CLMP: variants seen among roughly 807,000 people sequenced by gnomAD.
CLMP encodes the protein CXADR like cell adhesion molecule.
In CLMP, 27 loss-of-function variants were observed where a neutral mutation model predicts 45.2. The ratio of observed to expected loss-of-function variants is 0.60; its 90% confidence interval spans 0.44 to 0.82. The LOEUF (loss-of-function observed/expected upper bound fraction) is 0.82, where lower values mean the gene tolerates loss of function less well. Among genes scored for constraint, CLMP ranks in the 40% least tolerant of loss-of-function variants. The pLI, the probability that CLMP is intolerant of heterozygous loss-of-function variation, is 0.00. For missense variants in CLMP, 403 were observed against 448.4 expected (o/e 0.90, Z 0.91); for synonymous variants, 167 against 171.4 (o/e 0.97, Z 0.20).
intron 1 of CLMP, among the ~76,000 whole-genome samples, chr11:123,154,813 T>C (rs1861389904): frequency 6.6e-6 from 1 of 152,326 alleles, no homozygotes; most frequent in Non-Finnish European, 1.5e-5. Context: ...TGATCAGATG[T>C]TCTGATGGGC....
chr11:123,099,887 C>G (rs957365617), intron 1 of CLMP, among the ~76,000 whole-genome samples: 1 of 151,998 alleles, frequency 6.6e-6, no homozygotes, highest in Non-Finnish European at 1.5e-5. Context: ...GTTGAATGCA[C>G]AGGAAAAGGG....
At chr11:123,123,552 C>T (rs1333807624) in intron 1 of CLMP, among the ~76,000 whole-genome samples, 1 of 152,058 alleles carries the variant, frequency 6.6e-6, no homozygotes, top group Non-Finnish European at 1.5e-5. Context: ...TCCCACTGTG[C>T]CTGGCCAAGG....
chr11:123,092,309 T>G (rs1267927598), intron 2 of CLMP, among the ~76,000 whole-genome samples: 1 of 151,522 alleles, frequency 6.6e-6, no homozygotes, highest in African/African-American at 2.4e-5. Flanking sequence ...CACTTTTTTT[T>G]CTTTTTGAGA....
chr11:123,139,224 A>G (rs1861120911), intron 1 of CLMP, among the ~76,000 whole-genome samples: 1 of 151,858 alleles, frequency 6.6e-6, no homozygotes, highest in East Asian at 2.0e-4. Context: ...TGAACTACAG[A>G]ATAGTTTTCA....
intron 1 of CLMP, among the ~76,000 whole-genome samples, chr11:123,174,067 G>A (rs1041286515): frequency 6.6e-6 from 1 of 152,056 alleles, no homozygotes; most frequent in African/African-American, 2.4e-5. Context: ...TGGGCAACAG[G>A]TGGGACCCTG....
intron 2 of CLMP, among the ~76,000 whole-genome samples, chr11:123,094,517 G>T (rs1865968659): frequency 6.6e-6 from 1 of 152,164 alleles, no homozygotes; most frequent in African/African-American, 2.4e-5. Flanking sequence ...CTCCTTATTT[G>T]TAAAATGGGC....
intron 5 of CLMP, 72 bp from the exon 6 acceptor site, chr11:123,074,915 CAT>C: frequency 3.3e-6 from 5 of 1,518,018 alleles, no homozygotes; most frequent in Non-Finnish European, 4.5e-6. Context: ...ACTCAAAAAA[CAT>C]AAGCTCTGGA....
chr11:123,169,806 C>T (rs1437079099), intron 1 of CLMP, among the ~76,000 whole-genome samples: 2 of 152,124 alleles, frequency 1.3e-5, no homozygotes, highest in Non-Finnish European at 2.9e-5. Flanking sequence ...AAAGGTGGGA[C>T]AACTCGAAGC....
intron 1 of CLMP, among the ~76,000 whole-genome samples, chr11:123,152,567 A>AAATAAAT (rs1861353916): frequency 7.2e-5 from 10 of 138,434 alleles, no homozygotes; most frequent in African/African-American, 2.9e-4. Flanking sequence ...AATAAATAAA[A>AAATAAAT]AATAAATAAA....
chr11:123,170,919 G>T (rs1861624329), intron 1 of CLMP, among the ~76,000 whole-genome samples: 1 of 152,184 alleles, frequency 6.6e-6, no homozygotes, highest in African/African-American at 2.4e-5. Flanking sequence ...AAACCAAGAC[G>T]AATGAGTCTC....
intron 1 of CLMP, among the ~76,000 whole-genome samples, chr11:123,150,157 G>A (rs1475751863): frequency 1.3e-5 from 2 of 150,582 alleles, no homozygotes; most frequent in Non-Finnish European, 2.9e-5. Context: ...TAGGAGAGAT[G>A]TTATTGTCAG....
At chr11:123,193,611 G>T (rs531296994) in intron 1 of CLMP, among the ~76,000 whole-genome samples, 23 of 152,306 alleles carry the variant, frequency 1.5e-4, no homozygotes, top group African/African-American at 5.5e-4. Context: ...TAACTTAAGT[G>T]ATTATCAGCC....
chr11:123,150,517 A>AAGGG (rs1565397589), intron 1 of CLMP, among the ~76,000 whole-genome samples: 1 of 128,268 alleles, frequency 7.8e-6, no homozygotes, highest in African/African-American at 3.3e-5. Context: ...GGAAGGAAGG[A>AAGGG]AGGAAGGAAG....
intron 1 of CLMP, among the ~76,000 whole-genome samples, chr11:123,117,420 T>C (rs1283656441): frequency 1.3e-5 from 2 of 151,930 alleles, no homozygotes; most frequent in East Asian, 1.9e-4. Context: ...AAATTTTTTA[T>C]TTTTTATTTT....
At chr11:123,156,009 A>C (rs922458414) in intron 1 of CLMP, among the ~76,000 whole-genome samples, 2 of 152,076 alleles carry the variant, frequency 1.3e-5, no homozygotes, top group African/African-American at 4.8e-5. Context: ...TCCCCCCAAA[A>C]ATTCATATGT....
chr11:123,146,604 C>T (rs1257094358), intron 1 of CLMP, among the ~76,000 whole-genome samples: 3 of 152,066 alleles, frequency 2.0e-5, no homozygotes, highest in Non-Finnish European at 4.4e-5. Flanking sequence ...CTGCATGACA[C>T]CCTCTTCTCT....
intron 1 of CLMP, among the ~76,000 whole-genome samples, chr11:123,176,839 A>C (rs917065419): frequency 6.6e-6 from 1 of 152,200 alleles, no homozygotes; most frequent in African/African-American, 2.4e-5. Flanking sequence ...TGTGACAGAC[A>C]CAAGGGTAGT....
chr11:123,176,603 C>T (rs11219046), intron 1 of CLMP, among the ~76,000 whole-genome samples: 3 of 152,180 alleles, frequency 2.0e-5, no homozygotes, highest in African/African-American at 7.2e-5. Context: ...TGCCTGTTCT[C>T]TCCTGGCTCC....
At chr11:123,098,387 C>T (rs141257731) in intron 1 of CLMP, among the ~76,000 whole-genome samples, 7,051 of 151,952 alleles carry the variant, frequency 0.046, 559 homozygotes, top group African/African-American at 0.16. Flanking sequence ...GCCACCACAC[C>T]CAGCTAATTT....
Sources: allele counts gnomAD v4.1 joint callset (sites outside exome capture counted in the v4.1 genomes callset), GRCh38; gene constraint gnomAD v4.1.1; transcripts MANE v1.5; gene names NCBI Gene and HGNC (gene_info 2026-07-23, HGNC 2026-07-21).